Variants in WTAP observed in about 807,000 individuals in gnomAD.
WTAP encodes WT1 associated protein, also known as pre-mRNA-splicing regulator WTAP.
A neutral mutation model predicts 50.0 loss-of-function variants in WTAP; 8 were observed. The observed-to-expected ratio is 0.16, with a 90% CI of 0.09 to 0.29. WTAP has a LOEUF of 0.29. Ranked by LOEUF, WTAP falls within the 10% of genes least tolerant of loss-of-function variation. WTAP has a pLI of 1.00. For synonymous variants in WTAP, 194 were observed against 169.0 expected (o/e 1.15, Z -1.15); for missense variants, 295 against 470.7 (o/e 0.63, Z 3.45).
chr6:159,742,289 C>A, intron 4 of WTAP, 143 bp downstream of exon 4: 1 of 617,234 alleles, frequency 1.6e-6, no homozygotes, highest in Non-Finnish European at 2.7e-6. Context: ...GTGTTGGGTG[C>A]AAGAAAATAT....
At position 159,755,460 on chromosome 6, in the gene WTAP, A is replaced by ACT; in HGVS notation, c.1046_1047dup (p.Thr350SerfsTer20). On this transcript the variant is annotated frameshift_variant, in exon 8 of 8. Transcript: ENST00000621533. LOFTEE classifies it high-confidence loss of function. ...GTAGACTCTCCCACGGGCAGTGAAA[A>ACT]CTCTCTCACACACCAATCAAATGAC... 1 of 1,613,680 alleles carries ACT rather than the reference A, an allele frequency of 6.2e-7. No individual in the cohort carries two copies. The highest frequency in any genetic ancestry group is 8.5e-7 in the Non-Finnish European group (1 of 1,179,930).
chr6:159,748,181 C>A lies in WTAP; in HGVS notation c.274-10C>A, dbSNP rs189400166. ...GATTTGGTCGTAATTGTTTCTTTTG[C>A]TTTGCACAGACTCAAATCCAGTACC... On this transcript the variant is annotated splice_polypyrimidine_tract_variant and intron_variant, in intron 5 of 7. Transcript: ENST00000621533. The surrounding 1 kb of genome is among the most constrained non-coding windows in gnomAD (Gnocchi z 5.6). The A allele has an allele frequency of 1.7e-4, 275 of 1,612,934 alleles. No homozygotes were observed. The highest frequency in any genetic ancestry group is 2.2e-4 in the Non-Finnish European group (258 of 1,179,282).
chr6:159,736,353 T>A (rs939168972), intron 2 of WTAP, 58 bp downstream of exon 2: 13 of 1,350,050 alleles, frequency 9.6e-6, no homozygotes, highest in Admixed American at 1.9e-5. Flanking sequence ...GGGGCTTTTT[T>A]AAGCACTTTA....
chr6:159,749,446 T>G (rs980064032), intron 6 of WTAP: 79 of 978,538 alleles, frequency 8.1e-5, no homozygotes, highest in Non-Finnish European at 9.5e-5. Context: ...TTTTTTAAGT[T>G]CAAAGAATAT....
Position 159,730,338 on chromosome 6 carries a change from GT to G in WTAP, c.-9+2640del, listed in dbSNP as rs1369809046. Among the ~76,000 whole-genome samples the G allele has an allele frequency of 2.0e-5, 3 of 152,110 alleles. No homozygotes were observed. The East Asian group carries it at 5.8e-4, about 29-fold the overall frequency. On this transcript the variant is annotated intron_variant, in intron 1 of 7. Coordinates refer to ENST00000621533, the MANE Select transcript of WTAP (RefSeq NM_001270531.2). ...CTCCAAATGATGTTATGGTCATTCTGTTTTTCTGATACGAGAATAGATTGTT... is the reference window on the plus strand; with the variant it reads ...CTCCAAATGATGTTATGGTCATTCTGTTTTCTGATACGAGAATAGATTGTT...
Position 159,736,483 on chromosome 6 carries a change from A to G in WTAP, c.30+188A>G, listed in dbSNP as rs1402525928. On this transcript the variant is annotated intron_variant, in intron 2 of 7. Coordinates refer to ENST00000621533, the MANE Select transcript of WTAP (RefSeq NM_001270531.2). Reference sequence around the variant, plus strand: ...AGATATTGTATCTTATATCCAGTATATTTTTTAGAATATTTTCAGATTTTG... The same window carrying G: ...AGATATTGTATCTTATATCCAGTATGTTTTTTAGAATATTTTCAGATTTTG... The G allele has an allele frequency of 9.0e-6, 4 of 444,084 alleles. 1 individual carries two copies. Among genetic ancestry groups the G allele is most frequent in the East Asian group, 3.3e-5 (1 of 30,168 alleles). The allele number at this position is 444,084 out of a possible 1,614,324, so 27.5% of individuals were successfully genotyped here. A position where few individuals can be genotyped will look rare whatever the true frequency, so the allele number is the denominator to read the frequency against.
chr6:159,739,049 A>C lies in WTAP; in HGVS notation c.86+4A>C, dbSNP rs779917184. The C allele has an allele frequency of 1.5e-5, 24 of 1,609,594 alleles. No homozygotes were observed. The highest frequency in any genetic ancestry group is 1.3e-4 in the Admixed American group (8 of 59,560). ...CAAGAGATGAGTTAATTCTAAGGTA[A>C]AATGTTCTCTGTTCAAAAACAAAGT... On this transcript the variant is annotated splice_donor_region_variant and intron_variant, in intron 3 of 7. Transcript: ENST00000621533.
chr6:159,754,790 G>A (rs1779944148), intron 7 of WTAP, among the ~76,000 whole-genome samples: 1 of 152,076 alleles, frequency 6.6e-6, no homozygotes, highest in African/African-American at 2.4e-5. Context: ...ACAGTTGCTT[G>A]AATTCATTGT....
intron 1 of WTAP, among the ~76,000 whole-genome samples, chr6:159,732,486 C>T (rs975643989): frequency 3.3e-5 from 5 of 152,044 alleles, no homozygotes; most frequent in African/African-American, 7.3e-5. Flanking sequence ...ACTGATATAC[C>T]GGTTAAATAT....
intron 1 of WTAP, among the ~76,000 whole-genome samples, chr6:159,727,991 C>T (rs1778316053): frequency 6.6e-6 from 1 of 152,236 alleles, no homozygotes; most frequent in Non-Finnish European, 1.5e-5. Context: ...ATGCCCTCCC[C>T]GGGCTGAGCG....
intron 6 of WTAP, among the ~76,000 whole-genome samples, chr6:159,749,713 G>A (rs1186264517): frequency 4.6e-5 from 7 of 152,160 alleles, no homozygotes; most frequent in African/African-American, 1.7e-4. Flanking sequence ...ATAATGTGTT[G>A]GAACTGTGGG....
chr6:159,755,735 TGTTTTTTTTCTTTG>T lies in WTAP; in HGVS notation c.*125_*138del. The T allele has an allele frequency of 8.5e-7, 1 of 1,177,650 alleles. No individual in the cohort carries two copies. Among genetic ancestry groups the T allele is most frequent in the Non-Finnish European group, 1.1e-6 (1 of 936,346 alleles). The allele number at this position is 1,177,650 out of a possible 1,614,324, so 73.0% of individuals were successfully genotyped here. A position where few individuals can be genotyped will look rare whatever the true frequency, so the allele number is the denominator to read the frequency against. On this transcript the variant is annotated 3_prime_UTR_variant, in exon 8 of 8. Coordinates refer to ENST00000621533, the MANE Select transcript of WTAP (RefSeq NM_001270531.2). ...GGTGTACGTTTTGGTTTTTTTTTGT[TGTTTTTTTTCTTTG>T]TTTTTTTTTTCTTTTCTTTTTTTTT... is the stretch of plus-strand genomic sequence containing the variant.
intron 1 of WTAP, among the ~76,000 whole-genome samples, chr6:159,733,632 A>C (rs78280822): frequency 6.6e-6 from 1 of 151,784 alleles, no homozygotes; most frequent in Non-Finnish European, 1.5e-5. Flanking sequence ...AAAAAAAAAA[A>C]AGCCCAGCAC....
At chr6:159,732,264 A>G (rs563395176) in intron 1 of WTAP, among the ~76,000 whole-genome samples, 223 of 152,350 alleles carry the variant, frequency 1.5e-3, no homozygotes, top group Non-Finnish European at 9.1e-4. Context: ...TATATTGAAC[A>G]GCATCCATGA....
chr6:159,744,466 T>C lies in WTAP; in HGVS notation c.273+674T>C, dbSNP rs569191290. On this transcript the variant is annotated intron_variant, in intron 5 of 7. Transcript: ENST00000621533. ...CATATAGAAGTCTTCTTATGTGTTATTAAAGTCTTCTAAGATAGTATTCTG... is the reference window on the plus strand; with the variant it reads ...CATATAGAAGTCTTCTTATGTGTTACTAAAGTCTTCTAAGATAGTATTCTG... Among the ~76,000 whole-genome samples, 439 of 152,340 alleles carry C rather than the reference T, an allele frequency of 2.9e-3. 2 individuals are homozygous for C. The highest frequency in any genetic ancestry group is 9.8e-3 in the African/African-American group (408 of 41,572).
intron 5 of WTAP, among the ~76,000 whole-genome samples, chr6:159,747,875 T>A (rs9347338): frequency 0.24 from 32,063 of 135,514 alleles, 3,528 homozygotes; most frequent in East Asian, 0.41. Flanking sequence ...CCTCAATTCC[T>A]AAGTGAGTAA....
In WTAP at chr6:159,739,065, AAAAC is replaced by A; in HGVS notation, c.86+24_86+27del. 1 of 1,596,188 alleles carries A rather than the reference AAAAC, an allele frequency of 6.3e-7. No homozygotes were observed. The highest frequency in any genetic ancestry group is 1.1e-5 in the South Asian group (1 of 90,158). Reference sequence around the variant, plus strand: ...TCTAAGGTAAAATGTTCTCTGTTCAAAAACAAAGTCTTTCTATAGAACATTATAT... The same window carrying A: ...TCTAAGGTAAAATGTTCTCTGTTCAAAAAGTCTTTCTATAGAACATTATAT... On this transcript the variant is annotated intron_variant, in intron 3 of 7. Coordinates refer to ENST00000621533, the MANE Select transcript of WTAP (RefSeq NM_001270531.2).
chr6:159,753,432 T>G, intron 6 of WTAP, 28 bp from the exon 7 acceptor site: 1 of 1,614,116 alleles, frequency 6.2e-7, no homozygotes, highest in Non-Finnish European at 8.5e-7. Flanking sequence ...TGTCTTCATT[T>G]TGTGATGGAT....
rs1414072755 is a variant in WTAP, at chr6:159,736,258, G to A, written c.-8G>A. Reference sequence around the variant, plus strand: ...TGTTTTCCGCAACTTTTTTTTTTAGGATTCAAGATGACCAACGAAGAACCT... The same window carrying A: ...TGTTTTCCGCAACTTTTTTTTTTAGAATTCAAGATGACCAACGAAGAACCT... On this transcript the variant is annotated splice_region_variant and 5_prime_UTR_variant, in exon 2 of 8. Coordinates refer to ENST00000621533, the MANE Select transcript of WTAP (RefSeq NM_001270531.2). The A allele has an allele frequency of 1.3e-6, 2 of 1,595,408 alleles. No individual in the cohort carries two copies. The highest frequency in any genetic ancestry group is 1.7e-6 in the Non-Finnish European group (2 of 1,171,110).
Sources: allele counts gnomAD v4.1 joint callset (sites outside exome capture counted in the v4.1 genomes callset), GRCh38; gene constraint gnomAD v4.1.1; non-coding constraint Gnocchi (gnomAD v3.1); transcripts MANE v1.5; gene names NCBI Gene and HGNC (gene_info 2026-07-23, HGNC 2026-07-21).